NAF1: variants seen among roughly 807,000 people sequenced by gnomAD.
NAF1 encodes the protein nuclear assembly factor 1 ribonucleoprotein, also known as H/ACA ribonucleoprotein complex non-core subunit NAF1.
NAF1 carries 11 observed loss-of-function variants against 40.6 expected under a neutral mutation model. That is an observed-to-expected ratio of 0.27 (90% CI 0.17 to 0.45). The LOEUF is 0.45. Ranked by LOEUF, NAF1 falls within the 20% of genes least tolerant of loss-of-function variation. The pLI, the probability that NAF1 is intolerant of heterozygous loss-of-function variation, is 1.00. For missense variants in NAF1, 607 were observed against 611.1 expected (o/e 0.99, Z 0.07); for synonymous variants, 260 against 228.5 (o/e 1.14, Z -1.24).
At chr4:163,132,656 ACT>A (rs944269749) in intron 7 of NAF1, among the ~76,000 whole-genome samples, 26 of 152,174 alleles carry the variant, frequency 1.7e-4, no homozygotes, top group African/African-American at 5.8e-4. Flanking sequence ...TCATTGTATA[ACT>A]GTCAATATCC....
intron 4 of NAF1, 99 bp from the exon 5 acceptor site, chr4:163,140,482 CA>C (rs1731221239): frequency 9.4e-7 from 1 of 1,062,872 alleles, no homozygotes; most frequent in Non-Finnish European, 1.4e-6. Flanking sequence ...ATTGCCAGAA[CA>C]AGGTAATTTT....
At chr4:163,130,555 G>A (rs1730831405) in intron 7 of NAF1, among the ~76,000 whole-genome samples, 1 of 152,150 alleles carries the variant, frequency 6.6e-6, no homozygotes, top group African/African-American at 2.4e-5. Context: ...TGGTACTGGT[G>A]AAAGGACACA....
downstream of NAF1, among the ~76,000 whole-genome samples, chr4:163,109,648 T>C (rs369337328): frequency 6.6e-6 from 1 of 152,302 alleles, no homozygotes; most frequent in African/African-American, 2.4e-5. Flanking sequence ...GTGAGGATGA[T>C]CTAACCCTAC....
chr4:163,106,545 A>C (rs1730051818), downstream of NAF1, among the ~76,000 whole-genome samples: 1 of 151,450 alleles, frequency 6.6e-6, no homozygotes. Flanking sequence ...TGAAAACTAA[A>C]GTGAAAAAGA....
In NAF1 at chr4:163,166,459, G is replaced by C. The variant is rs749658539; in HGVS notation, c.269C>G (p.Pro90Arg). Residue 90 changes from proline to arginine, a missense_variant, in exon 1 of 8, where the codon CCG becomes CGG. By Grantham distance (103) the Pro-to-Arg change is moderately radical (BLOSUM62 -2). Coordinates refer to ENST00000274054, the MANE Select transcript of NAF1 (RefSeq NM_138386.3). ...APQPQPPAESPACGDCVTSPG... is the reference protein window; with the variant it reads ...APQPQPPAESRACGDCVTSPG... The stretch of plus-strand genomic sequence containing the variant: ...GGAGGTGACGCAGTCTCCGCAGGCC[G>C]GCGATTCAGCCGGTGGCTGTGGCTG... 8 of 1,605,104 alleles carry C rather than the reference G, an allele frequency of 5.0e-6. No individual in the cohort carries two copies. Among genetic ancestry groups the C allele is most frequent in the Non-Finnish European group, 6.8e-6 (8 of 1,175,842 alleles).
rs751259645 is a variant in NAF1 at position 163,166,485 on chromosome 4, C to T, written c.243G>A (p.Pro81=). Residue 81 remains proline (P), a synonymous_variant, in exon 1 of 8, where the codon CCG becomes CCA. Coordinates refer to ENST00000274054, the MANE Select transcript of NAF1 (RefSeq NM_138386.3). The stretch of plus-strand genomic sequence containing the variant: ...GCGATTCAGCCGGTGGCTGTGGCTG[C>T]GGCGCCGGGGTCCCGGCCGCGACGG... The part of the protein sequence containing the change: ...LNAVAAGTPA[P]QPQPPAESPA... The T allele has an allele frequency of 1.3e-5, 20 of 1,599,832 alleles. No individual in the cohort carries two copies. Among genetic ancestry groups the T allele is most frequent in the East Asian group, 2.3e-5 (1 of 44,440 alleles).
intron 2 of NAF1, among the ~76,000 whole-genome samples, chr4:163,149,331 GGA>G (rs1172508170): frequency 6.6e-6 from 1 of 152,142 alleles, no homozygotes; most frequent in African/African-American, 2.4e-5. Flanking sequence ...GATAACTTTT[GGA>G]GAAATGTTGG....
intron 2 of NAF1, among the ~76,000 whole-genome samples, chr4:163,160,694 G>T (rs1732183143): frequency 6.6e-6 from 1 of 152,094 alleles, no homozygotes; most frequent in Non-Finnish European, 1.5e-5. Flanking sequence ...CATAAAATTG[G>T]GTTAAACTGG....
intron 6 of NAF1, chr4:163,133,536 T>G (rs1730948580): frequency 3.2e-6 from 1 of 309,120 alleles, no homozygotes; most frequent in African/African-American, 2.1e-5. Flanking sequence ...TAGTATCAGA[T>G]GCAAAAGGGT....
At chr4:163,165,803 C>A (rs1732432521) in intron 1 of NAF1, among the ~76,000 whole-genome samples, 1 of 152,094 alleles carries the variant, frequency 6.6e-6, no homozygotes, top group African/African-American at 2.4e-5. Flanking sequence ...TCTCACAAAA[C>A]GTAAGAAGCA....
chr4:163,120,950 G>A (rs1730502455), intron 2 of NAF1, among the ~76,000 whole-genome samples: 1 of 152,046 alleles, frequency 6.6e-6, no homozygotes, highest in African/African-American at 2.4e-5. Flanking sequence ...AGAGTGTAGT[G>A]GAGCGATCTA....
intron 4 of NAF1, chr4:163,143,911 T>G: frequency 2.1e-6 from 1 of 480,184 alleles, no homozygotes; most frequent in Non-Finnish European, 2.7e-6. Flanking sequence ...TAGAGTATTC[T>G]AATCTATTAG....
intron 6 of NAF1, chr4:163,134,950 C>T (rs533134684): frequency 1.3e-5 from 2 of 152,114 alleles, no homozygotes; most frequent in African/African-American, 4.8e-5. Context: ...AGAGAGATTA[C>T]TCTGGTAGTA....
Position 163,148,545 on chromosome 4 carries a change from T to C in NAF1, c.541-111A>G. ...CATCTCTGAAAATGCTTTAAGTGCTTAGAGCATCTCTTTAATGTTATCATT... is the reference window on the plus strand; with the variant it reads ...CATCTCTGAAAATGCTTTAAGTGCTCAGAGCATCTCTTTAATGTTATCATT... On this transcript the variant is annotated intron_variant, in intron 2 of 7. Transcript: ENST00000274054. The C allele has an allele frequency of 8.5e-6, 6 of 703,826 alleles. No individual in the cohort carries two copies. The South Asian group carries it at 1.2e-4, about 14-fold the overall frequency. 43.6% of individuals were successfully genotyped at this position (703,826 alleles called of 1,614,324 possible). A position where few individuals can be genotyped will look rare whatever the true frequency, so the allele number is the denominator to read the frequency against.
chr4:163,145,804 C>G lies in NAF1; in HGVS notation c.695G>C (p.Ser232Thr), dbSNP rs1465958725. 5.7e-6 allele frequency: 9 copies of G among 1,588,818 alleles called. No individual in the cohort carries two copies. In the South Asian group the frequency reaches 1.0e-4, roughly 18 times the overall value. ...PVNEETVIFK[S>T]DRQAAGKIFE... ...AACCTTTCCTGCTGCTTGTCGATCA[C>G]TTTTAAAAATTACAGTCTCCTCATT... Residue 232 changes from serine to threonine, a missense_variant, in exon 4 of 8, where the codon AGT becomes ACT. By Grantham distance (58) the Ser-to-Thr change is moderately conservative. Transcript: ENST00000274054.
At chr4:163,109,303 T>C (rs1258741280), downstream of NAF1, among the ~76,000 whole-genome samples, 2 of 152,026 alleles carry the variant, frequency 1.3e-5, no homozygotes, top group Non-Finnish European at 2.9e-5. Flanking sequence ...GTATTTCTTA[T>C]CAAATATAAA....
At position 163,148,330 on chromosome 4, in the gene NAF1, T is replaced by A; in HGVS notation, c.634+11A>T. ...TGGAAACAATTTTTATTAATAGAAT[T>A]CTTAACATACCTAGTTGTTCAATAA... On this transcript the variant is annotated intron_variant, in intron 3 of 7. Transcript: ENST00000274054. 1 of 1,486,892 alleles carries A rather than the reference T, an allele frequency of 6.7e-7. No individual in the cohort carries two copies. Among genetic ancestry groups the A allele is most frequent in the Non-Finnish European group, 9.0e-7 (1 of 1,107,254 alleles). The allele number at this position is 1,486,892 out of a possible 1,614,324, so 92.1% of individuals were successfully genotyped here.
chr4:163,106,692 A>C (rs561931919), downstream of NAF1, among the ~76,000 whole-genome samples: 6 of 152,332 alleles, frequency 3.9e-5, no homozygotes, highest in East Asian at 1.2e-3. Flanking sequence ...TTTAATTAAT[A>C]AATAATTCAG....
chr4:163,108,168 T>C (rs889781953), downstream of NAF1, among the ~76,000 whole-genome samples: 1 of 152,294 alleles, frequency 6.6e-6, no homozygotes. Flanking sequence ...AGTCATAGTA[T>C]CTGAAATCAC....
Sources: allele counts gnomAD v4.1 joint callset (sites outside exome capture counted in the v4.1 genomes callset), GRCh38; gene constraint gnomAD v4.1.1; transcripts MANE v1.5; gene names NCBI Gene and HGNC (gene_info 2026-07-23, HGNC 2026-07-21).